The following SLC35D4 variants were observed in gnomAD, a reference collection of about 807,000 sequenced individuals.
SLC35D4 encodes UDP-N-acetylglucosamine transporter SLC35D4.
the SLC35D4 span, among the ~76,000 whole-genome samples, chr18:23,378,544 C>T: frequency 2.6e-5 from 4 of 152,174 alleles, no homozygotes; most frequent in Non-Finnish European, 4.4e-5. Flanking sequence ...GTAATGAAGA[C>T]ATTCTGATTT....
the SLC35D4 span, among the ~76,000 whole-genome samples, chr18:23,422,997 C>A: frequency 6.6e-6 from 1 of 152,158 alleles, no homozygotes; most frequent in Admixed American, 6.5e-5. Context: ...CCATGTGTTG[C>A]GACACTACAG....
the SLC35D4 span, among the ~76,000 whole-genome samples, chr18:23,241,540 A>C: frequency 2.6e-5 from 4 of 152,202 alleles, no homozygotes; most frequent in South Asian, 8.3e-4. Flanking sequence ...AAAAAATAAA[A>C]ATAAAAATGC....
chr18:23,288,461 C>T, the SLC35D4 span, among the ~76,000 whole-genome samples: 1 of 152,152 alleles, frequency 6.6e-6, no homozygotes, highest in Admixed American at 6.5e-5. Context: ...AGGGATTTGC[C>T]CCTGCCCAGG....
the SLC35D4 span, among the ~76,000 whole-genome samples, chr18:23,417,349 G>A: frequency 3.3e-5 from 5 of 152,114 alleles, no homozygotes; most frequent in Non-Finnish European, 5.9e-5. Flanking sequence ...CACAAGGAAT[G>A]AAATTCTGAT....
At chr18:23,267,415 TC>T in the SLC35D4 span, among the ~76,000 whole-genome samples, 1 of 152,190 alleles carries the variant, frequency 6.6e-6, no homozygotes, top group East Asian at 1.9e-4. Flanking sequence ...CTTCCACCTG[TC>T]CCGTGCCAGC....
chr18:23,369,378 C>T, the SLC35D4 span, among the ~76,000 whole-genome samples: 1 of 152,218 alleles, frequency 6.6e-6, no homozygotes, highest in African/African-American at 2.4e-5. Flanking sequence ...GCACTGGCCT[C>T]AGCGCTCCAG....
At chr18:23,311,180 T>C in the SLC35D4 span, among the ~76,000 whole-genome samples, 5 of 151,794 alleles carry the variant, frequency 3.3e-5, no homozygotes, top group African/African-American at 1.2e-4. Flanking sequence ...CAGCTCACTG[T>C]AGCCTCGACC....
the SLC35D4 span, among the ~76,000 whole-genome samples, chr18:23,331,834 A>G: frequency 1.3e-5 from 2 of 149,474 alleles, no homozygotes; most frequent in Non-Finnish European, 1.5e-5. Context: ...TATTTCATCT[A>G]GTTAGGTGCT....
the SLC35D4 span, among the ~76,000 whole-genome samples, chr18:23,434,308 T>C: frequency 2.0e-5 from 3 of 152,106 alleles, no homozygotes; most frequent in South Asian, 4.1e-4. Context: ...CTCTTTCCAC[T>C]AGCTCTGACA....
the SLC35D4 span, among the ~76,000 whole-genome samples, chr18:23,341,606 T>A: frequency 2.6e-5 from 4 of 152,212 alleles, no homozygotes; most frequent in African/African-American, 9.6e-5. Flanking sequence ...AATGACATCA[T>A]GGGAATGCTG....
the SLC35D4 span, among the ~76,000 whole-genome samples, chr18:23,327,428 G>A: frequency 1.3e-5 from 2 of 152,060 alleles, no homozygotes; most frequent in East Asian, 1.9e-4. Flanking sequence ...ACACCTCTAC[G>A]CAAATAAACT....
At chr18:23,243,468 G>GTTTTTTTTTTTTTTT in the SLC35D4 span, among the ~76,000 whole-genome samples, 3 of 101,876 alleles carry the variant, frequency 2.9e-5, no homozygotes, top group Non-Finnish European at 4.1e-5. Context: ...TGGGTTTGGT[G>GTTTTTTTTTTTTTTT]TTTTTTTTTT....
chr18:23,337,196 G>A, the SLC35D4 span, among the ~76,000 whole-genome samples: 266 of 152,110 alleles, frequency 1.7e-3, no homozygotes, highest in Non-Finnish European at 3.1e-3. Context: ...TATTTAGGCC[G>A]GGCGCGGTGG....
chr18:23,300,700 T>C, the SLC35D4 span, among the ~76,000 whole-genome samples: 9 of 152,230 alleles, frequency 5.9e-5, no homozygotes, highest in Admixed American at 5.9e-4. Flanking sequence ...ATTACAACTA[T>C]TTAAGTCAGA....
At chr18:23,401,214 G>C in the SLC35D4 span, among the ~76,000 whole-genome samples, 5 of 152,328 alleles carry the variant, frequency 3.3e-5, no homozygotes, top group African/African-American at 1.2e-4. Context: ...CCTGCGGTGA[G>C]AAGAGCTGGT....
chr18:23,407,594 C>CACAT, the SLC35D4 span, among the ~76,000 whole-genome samples: 1 of 151,900 alleles, frequency 6.6e-6, no homozygotes, highest in African/African-American at 2.4e-5. Context: ...CACACACACA[C>CACAT]AAGAAATATA....
At chr18:23,348,726 C>T in the SLC35D4 span, among the ~76,000 whole-genome samples, 1 of 152,134 alleles carries the variant, frequency 6.6e-6, no homozygotes, top group Admixed American at 6.6e-5. Context: ...GTGTCTTTTA[C>T]TTTAAGGTAT....
the SLC35D4 span, among the ~76,000 whole-genome samples, chr18:23,261,533 G>T: frequency 2.6e-5 from 4 of 152,068 alleles, no homozygotes; most frequent in Non-Finnish European, 5.9e-5. Flanking sequence ...TGAGGTGGGA[G>T]AATCACCAGA....
the SLC35D4 span, among the ~76,000 whole-genome samples, chr18:23,362,504 CAGG>C: frequency 1.1e-4 from 17 of 152,262 alleles, no homozygotes; most frequent in African/African-American, 4.1e-4. Flanking sequence ...GAGGCTGAGG[CAGG>C]AGAATCACTT....
Sources: gnomAD v4.1 joint callset for allele counts (sites outside exome capture counted in the v4.1 genomes callset) on GRCh38, gnomAD v4.1.1 for gene constraint, MANE v1.5 for transcripts, NCBI Gene and HGNC (gene_info 2026-07-23, HGNC 2026-07-21) for gene names.